Variants in PIGL observed in about 807,000 individuals in gnomAD.
PIGL encodes the protein phosphatidylinositol glycan anchor biosynthesis class L, also known as N-acetylglucosaminyl-phosphatidylinositol de-N-acetylase.
PIGL carries 22 observed loss-of-function variants against 31.1 expected under a neutral mutation model. The ratio of observed to expected loss-of-function variants is 0.71; its 90% confidence interval spans 0.51 to 1.01. The LOEUF (loss-of-function observed/expected upper bound fraction) is 1.01. PIGL is among the 50% of genes least tolerant of loss of function. PIGL has a pLI of 0.00. For synonymous variants in PIGL, 131 were observed against 117.4 expected (o/e 1.12, Z -0.75); for missense variants, 302 against 315.9 (o/e 0.96, Z 0.33).
chr17:16,228,749 CCAT>C (rs773300242), intron 1 of PIGL, among the ~76,000 whole-genome samples: 2 of 152,156 alleles, frequency 1.3e-5, no homozygotes, highest in Non-Finnish European at 2.9e-5. Flanking sequence ...TATTATGTAA[CCAT>C]CACCACTATT....
At position 16,323,950 on chromosome 17, in the gene PIGL, C is replaced by CTTAT. The variant is rs567855238; in HGVS notation, c.661-1831_661-1828dup. On this transcript the variant is annotated intron_variant, in intron 6 of 6. Coordinates refer to ENST00000225609, the MANE Select transcript of PIGL (RefSeq NM_004278.4). ...ATATATTTGTTAGCAGATTATTTCT[C>CTTAT]TTATTTATTTATTTATTTATTTTGA... Among the ~76,000 whole-genome samples the CTTAT allele has an allele frequency of 1.2e-3, 181 of 151,374 alleles. 1 individual carries two copies. Among genetic ancestry groups the CTTAT allele is most frequent in the Non-Finnish European group, 1.6e-3 (109 of 67,816 alleles).
At chr17:16,222,978 A>G (rs913953406) in intron 1 of PIGL, among the ~76,000 whole-genome samples, 2 of 151,994 alleles carry the variant, frequency 1.3e-5, no homozygotes, top group Non-Finnish European at 2.9e-5. Flanking sequence ...TGCCATTGCA[A>G]TCCAGCCTGG....
intron 2 of PIGL, among the ~76,000 whole-genome samples, chr17:16,294,885 A>G (rs759632372): frequency 3.9e-5 from 6 of 152,054 alleles, no homozygotes; most frequent in Non-Finnish European, 7.4e-5. Flanking sequence ...CTCCCCTTCC[A>G]TGGCTCTGCT....
intron 1 of PIGL, 162 bp downstream of exon 1, chr17:16,217,623 CG>C: frequency 1.7e-6 from 1 of 594,690 alleles, no homozygotes; most frequent in South Asian, 2.3e-5. Context: ...CAGGAGCGGC[CG>C]GCTTACCTGG....
chr17:16,265,221 A>G (rs1351615366), intron 2 of PIGL, among the ~76,000 whole-genome samples: 1 of 152,208 alleles, frequency 6.6e-6, no homozygotes, highest in Non-Finnish European at 1.5e-5. Flanking sequence ...TTAGGGATAT[A>G]TGGTAAGGTA....
intron 2 of PIGL, among the ~76,000 whole-genome samples, chr17:16,261,681 G>A (rs756967240): frequency 3.9e-5 from 6 of 151,910 alleles, no homozygotes; most frequent in African/African-American, 9.7e-5. Context: ...TTTGAGACCC[G>A]CCTGGAATTT....
chr17:16,243,570 C>G (rs1438768562), intron 2 of PIGL, among the ~76,000 whole-genome samples: 10 of 152,238 alleles, frequency 6.6e-5, no homozygotes, highest in Admixed American at 6.5e-4. Flanking sequence ...ACTGCCCAGA[C>G]TGAAACCCAA....
At position 16,236,077 on chromosome 17, in the gene PIGL, T is replaced by C. The variant is rs375592419; in HGVS notation, c.335+2007T>C. Among the ~76,000 whole-genome samples the C allele has an allele frequency of 5.3e-5, 8 of 152,304 alleles. No homozygotes were observed. The East Asian group carries it at 1.3e-3, about 26-fold the overall frequency. The stretch of plus-strand genomic sequence containing the variant: ...TATAATTCTTTTGTAAAACAGAATC[T>C]TCACTATTAATTAAGGCTACTTAGT... On this transcript the variant is annotated intron_variant, in intron 2 of 6. Coordinates refer to ENST00000225609, the MANE Select transcript of PIGL (RefSeq NM_004278.4).
intron 3 of PIGL, among the ~76,000 whole-genome samples, 181 bp from the exon 4 acceptor site, chr17:16,313,366 C>G (rs891478670): frequency 2.6e-5 from 4 of 152,370 alleles, no homozygotes; most frequent in African/African-American, 9.6e-5. Context: ...AAAACAGTCT[C>G]TATGTGGTCA....
At chr17:16,276,922 G>A (rs1442038706) in intron 2 of PIGL, among the ~76,000 whole-genome samples, 3 of 152,092 alleles carry the variant, frequency 2.0e-5, no homozygotes, top group Admixed American at 2.0e-4. Flanking sequence ...TTTTCACATA[G>A]GCTTTTAAAA....
chr17:16,316,844 T>C, intron 5 of PIGL, 132 bp downstream of exon 5: 1 of 1,486,170 alleles, frequency 6.7e-7, no homozygotes, highest in Non-Finnish European at 9.1e-7. Flanking sequence ...GCCGCCACAC[T>C]CTTCCTGACT....
intron 6 of PIGL, among the ~76,000 whole-genome samples, chr17:16,323,609 CTTTT>C (rs34518917): frequency 1.0e-5 from 1 of 96,814 alleles, no homozygotes; most frequent in African/African-American, 4.1e-5. Context: ...TAACACTGAT[CTTTT>C]TTTTTTTTTT....
rs554317211 is a variant in PIGL, at chr17:16,266,412, T to G, written c.335+32342T>G. The stretch of plus-strand genomic sequence containing the variant: ...TCAAAAAAAAAAAAAAAAAAAAGAA[T>G]GAATATCTTCTATTACTTCATTTAT... On this transcript the variant is annotated intron_variant, in intron 2 of 6. Transcript: ENST00000225609. 8.9e-5 allele frequency among the ~76,000 whole-genome samples: 12 copies of G among 134,406 alleles called. No individual in the cohort carries two copies. The East Asian group carries it at 2.1e-3, about 23-fold the overall frequency. 88.2% of individuals were successfully genotyped at this position (134,406 alleles called of 152,430 possible). A position where few individuals can be genotyped will look rare whatever the true frequency, so the allele number is the denominator to read the frequency against.
At chr17:16,273,980 C>T (rs1174025274) in intron 2 of PIGL, among the ~76,000 whole-genome samples, 1 of 152,194 alleles carries the variant, frequency 6.6e-6, no homozygotes, top group Admixed American at 6.5e-5. Flanking sequence ...TGAAGAGGCT[C>T]ATGTTCTCAT....
intron 6 of PIGL, among the ~76,000 whole-genome samples, chr17:16,318,450 T>C (rs1333705980): frequency 2.0e-5 from 3 of 151,934 alleles, no homozygotes; most frequent in Admixed American, 2.0e-4. Flanking sequence ...TTTGTATTTT[T>C]AGTAGAGCTG....
intron 4 of PIGL, among the ~76,000 whole-genome samples, chr17:16,315,082 C>T (rs757138522): frequency 6.6e-6 from 1 of 152,152 alleles, no homozygotes; most frequent in Non-Finnish European, 1.5e-5. Flanking sequence ...CCAGTCACCA[C>T]TGAAGTGGAG....
At chr17:16,294,844 T>C (rs1258557571) in intron 2 of PIGL, among the ~76,000 whole-genome samples, 2 of 152,166 alleles carry the variant, frequency 1.3e-5, no homozygotes, top group African/African-American at 4.8e-5. Flanking sequence ...GACATCTAGC[T>C]AGTTCTCCTG....
At chr17:16,300,284 A>G in intron 3 of PIGL, 1 of 264,182 alleles carries the variant, frequency 3.8e-6, no homozygotes, top group Non-Finnish European at 7.2e-6. Context: ...CCTGCCATCT[A>G]AAAATTCAGG....
chr17:16,237,696 G>C (rs2092705054), intron 2 of PIGL, among the ~76,000 whole-genome samples: 1 of 150,240 alleles, frequency 6.7e-6, no homozygotes, highest in African/African-American at 2.5e-5. Flanking sequence ...CTACTTGGGT[G>C]ACTGAGGTGA....
Sources: allele counts gnomAD v4.1 joint callset (sites outside exome capture counted in the v4.1 genomes callset), GRCh38; gene constraint gnomAD v4.1.1; transcripts MANE v1.5; gene names NCBI Gene and HGNC (gene_info 2026-07-23, HGNC 2026-07-21).